The following PPA1 variants were observed in gnomAD, a reference collection of about 807,000 sequenced individuals.
PPA1 encodes inorganic pyrophosphatase.
In PPA1, 23 loss-of-function variants were observed where a neutral mutation model predicts 41.8. The ratio of observed to expected loss-of-function variants is 0.55; its 90% CI spans 0.40 to 0.78. The LOEUF (loss-of-function observed/expected upper bound fraction) is 0.78, where lower values mean the gene tolerates loss of function less well. Ranked by LOEUF, PPA1 falls within the 30% of genes least tolerant of loss-of-function variation. The pLI, the probability that PPA1 is intolerant of heterozygous loss-of-function variation, is 0.00. For missense variants in PPA1, 320 were observed against 361.6 expected (o/e 0.89, Z 0.93); for synonymous variants, 101 against 116.8 (o/e 0.86, Z 0.87).
At chr10:70,233,177 A>G in intron 1 of PPA1, 87 bp downstream of exon 1, 1 of 1,414,500 alleles carries the variant, frequency 7.1e-7, no homozygotes, top group Non-Finnish European at 9.4e-7. Context: ...CCTGGGGCCG[A>G]GCGCGGGCCG....
intron 6 of PPA1, among the ~76,000 whole-genome samples, chr10:70,211,001 G>T (rs1428516208): frequency 6.6e-6 from 1 of 152,104 alleles, no homozygotes; most frequent in African/African-American, 2.4e-5. Context: ...CTGACCTCAT[G>T]ATTCGCCTGC....
rs1839936797 is a variant in PPA1, at chr10:70,206,165, C to T, written c.795+99G>A. On this transcript the variant is annotated intron_variant, in intron 9 of 10. Transcript: ENST00000373232. ...CACACAGTAACATGCATACAAAAGG[C>T]ACTCAAGTATTTGTCGAAACAAGTA... 6 of 908,704 alleles carry T rather than the reference C, an allele frequency of 6.6e-6. No homozygotes were observed. The Admixed American group carries it at 1.3e-4, about 19-fold the overall frequency. The allele number at this position is 908,704 out of a possible 1,614,324, so 56.3% of individuals were successfully genotyped here. A position where few individuals can be genotyped will look rare whatever the true frequency, so the allele number is the denominator to read the frequency against.
chr10:70,216,518 A>G (rs977781209), intron 4 of PPA1, among the ~76,000 whole-genome samples: 1 of 152,096 alleles, frequency 6.6e-6, no homozygotes, highest in African/African-American at 2.4e-5. Context: ...ATTAAAGTAT[A>G]AGGTGAAACA....
chr10:70,206,343 A>G lies in PPA1; in HGVS notation c.726-10T>C. 3 of 1,599,044 alleles carry G rather than the reference A, an allele frequency of 1.9e-6. No individual in the cohort carries two copies. The highest frequency in any genetic ancestry group is 2.6e-6 in the Non-Finnish European group (3 of 1,166,740). Reference sequence around the variant, plus strand: ...CAAAGTTGTATTCATGCTATTAAATAAAACAAAAGTAGTCATAAGACAAAA... The same window carrying G: ...CAAAGTTGTATTCATGCTATTAAATGAAACAAAAGTAGTCATAAGACAAAA... On this transcript the variant is annotated splice_polypyrimidine_tract_variant and intron_variant, in intron 8 of 10. Transcript: ENST00000373232.
At chr10:70,208,809 T>C (rs1481193831) in intron 8 of PPA1, among the ~76,000 whole-genome samples, 1 of 151,528 alleles carries the variant, frequency 6.6e-6, no homozygotes, top group Non-Finnish European at 1.5e-5. Context: ...TTTTTTTTTT[T>C]TGAGACCGAG....
intron 2 of PPA1, among the ~76,000 whole-genome samples, chr10:70,222,780 C>A (rs953239015): frequency 1.3e-5 from 2 of 151,548 alleles, no homozygotes; most frequent in Non-Finnish European, 2.9e-5. Context: ...TGTGCTGCAC[C>A]CATTAACTCA....
At position 70,202,999 on chromosome 10, in the gene PPA1, A is replaced by G. The variant is rs9335; in HGVS notation, c.*156T>C. ...GAGATATGAAAAATGCTTTAGATGG[A>G]TAACATTCTGAGTATATTGGATTAG... On this transcript the variant is annotated 3_prime_UTR_variant, in exon 11 of 11. Transcript: ENST00000373232. The G allele has an allele frequency of 0.03, 22,195 of 735,034 alleles. 830 individuals carry two copies. Among genetic ancestry groups the G allele is most frequent in the African/African-American group, 0.15 (8,576 of 56,562 alleles). The allele number at this position is 735,034 out of a possible 1,614,324, so 45.5% of individuals were successfully genotyped here. A position where few individuals can be genotyped will look rare whatever the true frequency, so the allele number is the denominator to read the frequency against.
intron 1 of PPA1, among the ~76,000 whole-genome samples, chr10:70,232,025 A>C (rs1251606282): frequency 2.6e-5 from 4 of 152,240 alleles, no homozygotes; most frequent in Non-Finnish European, 5.9e-5. Flanking sequence ...ATTATTAGTC[A>C]AAAGTTACTG....
At chr10:70,221,794 C>T (rs1310355255) in intron 2 of PPA1, among the ~76,000 whole-genome samples, 1 of 152,154 alleles carries the variant, frequency 6.6e-6, no homozygotes, top group Non-Finnish European at 1.5e-5. Flanking sequence ...CAAATGAATA[C>T]ATTGCTTCAA....
chr10:70,208,423 T>G (rs1334302831), intron 8 of PPA1, among the ~76,000 whole-genome samples: 1 of 151,682 alleles, frequency 6.6e-6, no homozygotes, highest in Admixed American at 6.6e-5. Context: ...ACTGCAGCCT[T>G]GATCTCCAAG....
chr10:70,226,448 A>G (rs1840231862), intron 2 of PPA1, among the ~76,000 whole-genome samples: 1 of 151,852 alleles, frequency 6.6e-6, no homozygotes, highest in Non-Finnish European at 1.5e-5. Context: ...AGTCCCAGCT[A>G]CTCAGGAGAC....
intron 1 of PPA1, among the ~76,000 whole-genome samples, chr10:70,231,165 ATT>A (rs1840286362): frequency 1.3e-5 from 2 of 152,250 alleles, no homozygotes; most frequent in African/African-American, 4.8e-5. Flanking sequence ...CTAGATATAT[ATT>A]ACTAATATAT....
intron 6 of PPA1, among the ~76,000 whole-genome samples, chr10:70,211,939 A>C (rs1004062322): frequency 6.6e-6 from 1 of 152,238 alleles, no homozygotes. Context: ...TCTTCAATGA[A>C]TTAACACAGA....
Position 70,233,322 on chromosome 10 carries a change from G to A in PPA1, c.6C>T (p.Ser2=). The change falls in exon 1 of 11, where the codon AGC becomes AGT. Residue 2 remains serine, a synonymous_variant. Coordinates refer to ENST00000373232, the MANE Select transcript of PPA1 (RefSeq NM_021129.4). M[S]GFSTEERAAP... is the part of the protein sequence containing the mutation. The stretch of plus-strand genomic sequence containing the variant: ...CGGCGCGCTCCTCGGTGCTGAAGCC[G>A]CTCATAGTGCCGGAGTCCTGCCGCC... 2.6e-6 allele frequency: 4 copies of A among 1,538,808 alleles called. No individual in the cohort carries two copies. Among genetic ancestry groups the A allele is most frequent in the Non-Finnish European group, 3.5e-6 (4 of 1,143,634 alleles).
At chr10:70,213,708 G>T in intron 5 of PPA1, 119 bp from the exon 6 acceptor site, 1 of 1,216,758 alleles carries the variant, frequency 8.2e-7, no homozygotes, top group Non-Finnish European at 1.1e-6. Context: ...CCTGAAGATT[G>T]TTCCTTTAAG....
In PPA1 at chr10:70,203,090, T is replaced by C; in HGVS notation, c.*65A>G. On this transcript the variant is annotated 3_prime_UTR_variant, in exon 11 of 11. Transcript: ENST00000373232. ...TTAAAGCTTTGAAAAGCTACTACTT[T>C]TACTTCTAATACATCCAGATGAACA... The C allele has an allele frequency of 6.7e-7, 1 of 1,498,790 alleles. No individual in the cohort carries two copies. The highest frequency in any genetic ancestry group is 9.2e-7 in the Non-Finnish European group (1 of 1,084,290). The allele number at this position is 1,498,790 out of a possible 1,614,324, so 92.8% of individuals were successfully genotyped here.
chr10:70,208,080 C>T (rs574840015), intron 8 of PPA1, among the ~76,000 whole-genome samples: 1 of 152,248 alleles, frequency 6.6e-6, no homozygotes, highest in Non-Finnish European at 1.5e-5. Flanking sequence ...ATCCCAGCTA[C>T]TCAGGAGGCT....
In PPA1 at chr10:70,217,883, CT is replaced by C; in HGVS notation, c.225del (p.Gly76GlufsTer60). The C allele has an allele frequency of 2.5e-6, 4 of 1,605,106 alleles. No individual in the cohort carries two copies. Among genetic ancestry groups the C allele is most frequent in the Admixed American group, 1.7e-5 (1 of 59,144 alleles). Reference sequence around the variant, plus strand: ...AAATTCGCAACATAGCGAAGTTTTCCTTTTTTCACATCTTGTTTAATAGGGT... The same window carrying C: ...AAATTCGCAACATAGCGAAGTTTTCCTTTTTCACATCTTGTTTAATAGGGT... ...PLNPIKQDVK[K>X]GKLRYVANLF... On this transcript the variant is annotated frameshift_variant, in exon 4 of 11. Coordinates refer to ENST00000373232, the MANE Select transcript of PPA1 (RefSeq NM_021129.4). LOFTEE classifies it high-confidence loss of function.
intron 8 of PPA1, among the ~76,000 whole-genome samples, chr10:70,206,919 A>C (rs1032201555): frequency 7.3e-6 from 1 of 136,068 alleles, no homozygotes; most frequent in Non-Finnish European, 1.5e-5. Flanking sequence ...AAAGAAACTG[A>C]GATTGAATGC....
Sources: gnomAD v4.1 joint callset for allele counts (sites outside exome capture counted in the v4.1 genomes callset) on GRCh38, gnomAD v4.1.1 for gene constraint, MANE v1.5 for transcripts, NCBI Gene and HGNC (gene_info 2026-07-23, HGNC 2026-07-21) for gene names.